The following NAA35 variants were observed in gnomAD, a reference collection of about 807,000 sequenced individuals.
The protein encoded by NAA35 is MAK10 homolog, amino-acid N-acetyltransferase subunit.
In NAA35, 18 loss-of-function variants were observed where a neutral mutation model predicts 101.7. The observed-to-expected ratio is 0.18, with a 90% CI of 0.12 to 0.26. NAA35 has a LOEUF of 0.26. Among genes scored for constraint, NAA35 ranks in the 10% least tolerant of loss-of-function variants. The pLI is 1.00. For missense variants in NAA35, 601 were observed against 886.8 expected (o/e 0.68, Z 4.09); for synonymous variants, 267 against 273.1 (o/e 0.98, Z 0.22).
chr9:85,967,808 A>G (rs969210440), intron 6 of NAA35, among the ~76,000 whole-genome samples: 4 of 152,054 alleles, frequency 2.6e-5, no homozygotes, highest in Non-Finnish European at 5.9e-5. Flanking sequence ...TCAAAAAAAA[A>G]AAAGATTTAT....
chr9:86,018,273 A>G lies in NAA35; in HGVS notation c.1792A>G (p.Met598Val). The G allele has an allele frequency of 6.2e-7, 1 of 1,613,194 alleles. No homozygotes were observed. The highest frequency in any genetic ancestry group is 1.1e-5 in the South Asian group (1 of 90,972). The stretch of plus-strand genomic sequence containing the variant: ...CATTTAGACCATGGTAGCATTTGAC[A>G]TGGACGGCAAAGTACGTAAACCGAA... ...GMFKTMVAFDMDGKVRKPKFE... is the reference protein window; with the variant it reads ...GMFKTMVAFDVDGKVRKPKFE... Residue 598 changes from methionine to valine, a missense_variant, in exon 20 of 23, where the codon ATG becomes GTG. By Grantham distance (21) the Met-to-Val change is conservative. Around this residue, in one of 8 missense-constraint regions of NAA35, gnomAD observed 90 missense variants for 108.7 expected, o/e 0.83. Transcript: ENST00000361671.
rs11141163 is a variant in NAA35, at chr9:85,965,311, A to G, written c.516+3131A>G. Among the ~76,000 whole-genome samples the G allele has an allele frequency of 0.021, 3,183 of 152,280 alleles. 347 individuals carry two copies. The East Asian group carries it at 0.35, about 17-fold the overall frequency. ...CCATCAGTAGGAGACTAATTAAAAG[A>G]TGTTACATTCATACAATCAAGTGCT... is the stretch of plus-strand genomic sequence containing the variant. On this transcript the variant is annotated intron_variant, in intron 6 of 22. Transcript: ENST00000361671.
chr9:85,970,733 G>A (rs1740250467), intron 6 of NAA35, among the ~76,000 whole-genome samples: 1 of 151,100 alleles, frequency 6.6e-6, no homozygotes, highest in Non-Finnish European at 1.5e-5. Flanking sequence ...CCAAGTGTCA[G>A]ATATGAATGT....
At position 85,985,631 on chromosome 9, in the gene NAA35, C is replaced by T. The variant is rs1442704418; in HGVS notation, c.877+7250C>T. Among the ~76,000 whole-genome samples, 3 of 152,060 alleles carry T rather than the reference C, an allele frequency of 2.0e-5. No individual in the cohort carries two copies. The South Asian group carries it at 6.2e-4, about 31-fold the overall frequency. On this transcript the variant is annotated intron_variant, in intron 11 of 22. Transcript: ENST00000361671. ...GTGATTGCTAATGGGTATAGAGTTTCTTCGTGGGTGATGAAAATGTTCTAA... is the reference window on the plus strand; with the variant it reads ...GTGATTGCTAATGGGTATAGAGTTTTTTCGTGGGTGATGAAAATGTTCTAA...
intron 5 of NAA35, among the ~76,000 whole-genome samples, chr9:85,960,084 T>C (rs1829447018): frequency 6.6e-6 from 1 of 152,242 alleles, no homozygotes; most frequent in Admixed American, 6.5e-5. Flanking sequence ...TATTTTCTTT[T>C]CAATGAAGAT....
In NAA35 at chr9:85,942,097, C is replaced by T. The variant is rs116205340; in HGVS notation, c.-5-58C>T. ...ATGCTGAAACAAACACCCATTTCTG[C>T]AAATACTCTTGCCCTGAAAGCTACA... On this transcript the variant is annotated intron_variant, in intron 1 of 22. Transcript: ENST00000361671. 9.0e-4 allele frequency: 1,416 copies of T among 1,576,272 alleles called. 9 individuals carry two copies. The African/African-American group carries it at 0.017, about 19-fold the overall frequency.
In NAA35 at chr9:86,016,529, A is replaced by T. The variant is rs767806330; in HGVS notation, c.1569-10A>T. The stretch of plus-strand genomic sequence containing the variant: ...CATCTACCATTAACTAACATTTTGT[A>T]TCCTTTAAGGTATCTCTCTGAATTC... On this transcript the variant is annotated splice_polypyrimidine_tract_variant and intron_variant, in intron 17 of 22. Coordinates refer to ENST00000361671, the MANE Select transcript of NAA35 (RefSeq NM_024635.4). The T allele has an allele frequency of 1.9e-6, 3 of 1,608,192 alleles. No individual in the cohort carries two copies. In the South Asian group the frequency reaches 3.4e-5, roughly 18 times the overall value.
rs189350147 is a variant in NAA35 at position 86,005,438 on chromosome 9, A to G, written c.1116+1794A>G. ...CTCCAAGAATGGGAAGAAGGCAAAG[A>G]TGCCCACTTCGCTCTTACTGAACAT... On this transcript the variant is annotated intron_variant, in intron 13 of 22. Transcript: ENST00000361671. 4.3e-3 allele frequency among the ~76,000 whole-genome samples: 650 copies of G among 152,366 alleles called. 2 individuals are homozygous for G. The highest frequency in any genetic ancestry group is 6.2e-3 in the Non-Finnish European group (420 of 68,028).
At chr9:86,020,636 G>A (rs909570538) in intron 21 of NAA35, among the ~76,000 whole-genome samples, 6 of 152,056 alleles carry the variant, frequency 3.9e-5, no homozygotes, top group South Asian at 2.1e-4. Flanking sequence ...TTGAACCCAC[G>A]AGTTCAAGAC....
chr9:85,959,949 T>C (rs1829440416), intron 5 of NAA35, 82 bp downstream of exon 5: 2 of 979,056 alleles, frequency 2.0e-6, no homozygotes, highest in South Asian at 3.1e-5. Context: ...TATACACTAA[T>C]GTTGAGTATG....
chr9:86,001,305 A>G (rs1831408168), intron 12 of NAA35, among the ~76,000 whole-genome samples: 2 of 152,122 alleles, frequency 1.3e-5, no homozygotes, highest in South Asian at 2.1e-4. Flanking sequence ...ATGTCCAATT[A>G]TGTGGTCGAT....
chr9:85,950,327 C>A (rs941527546), intron 2 of NAA35, among the ~76,000 whole-genome samples: 2 of 152,170 alleles, frequency 1.3e-5, no homozygotes, highest in African/African-American at 4.8e-5. Context: ...CTCACTGTAA[C>A]CTCCGTCTCC....
In NAA35 at chr9:86,018,311, T is replaced by C. The variant is rs1199308672; in HGVS notation, c.1830T>C (p.Asp610=). The change falls in exon 20 of 23, where the codon GAT becomes GAC. Residue 610 remains aspartate, a synonymous_variant. Transcript: ENST00000361671. The part of the protein sequence containing the change: ...GKVRKPKFEL[D]SEQVRYEHRF... ...TACGTAAACCGAAGTTTGAGCTTGA[T>C]AGTGAACAAGTTCGGTATGAACACA... is the stretch of plus-strand genomic sequence containing the variant. 6 of 1,613,944 alleles carry C rather than the reference T, an allele frequency of 3.7e-6. No individual in the cohort carries two copies. The highest frequency in any genetic ancestry group is 1.1e-5 in the South Asian group (1 of 91,092).
rs1264126173 is a variant in NAA35, at chr9:86,024,516, A to G, written c.*2556A>G. Among the ~76,000 whole-genome samples the G allele has an allele frequency of 6.6e-6, 1 of 152,200 alleles. No individual in the cohort carries two copies. The highest frequency in any genetic ancestry group is 2.4e-5 in the African/African-American group (1 of 41,444). ...GAATGGTTGAAAAGGGAGGCAGGGA[A>G]GCCAGTCACGTGAGAGAAAATGTTG... On this transcript the variant is annotated 3_prime_UTR_variant, in exon 23 of 23. Transcript: ENST00000361671.
At chr9:85,997,346 A>AT (rs199613673) in intron 12 of NAA35, among the ~76,000 whole-genome samples, 2,464 of 143,394 alleles carry the variant, frequency 0.017, 45 homozygotes, top group South Asian at 0.059. Flanking sequence ...GACTTGGATA[A>AT]TTTTTTTTTT....
chr9:85,967,909 C>T (rs773620594), intron 6 of NAA35, among the ~76,000 whole-genome samples: 10 of 152,050 alleles, frequency 6.6e-5, no homozygotes, highest in Admixed American at 1.3e-4. Flanking sequence ...GATCTGGAGA[C>T]GTTTTCTGAT....
intron 6 of NAA35, among the ~76,000 whole-genome samples, chr9:85,965,377 C>T (rs531196063): frequency 6.6e-6 from 1 of 152,314 alleles, no homozygotes; most frequent in South Asian, 2.1e-4. Flanking sequence ...CTATTAATCC[C>T]AGCACTTTGG....
At position 85,966,920 on chromosome 9, in the gene NAA35, A is replaced by G. The variant is rs374621732; in HGVS notation, c.516+4740A>G. On this transcript the variant is annotated intron_variant, in intron 6 of 22. Coordinates refer to ENST00000361671, the MANE Select transcript of NAA35 (RefSeq NM_024635.4). The stretch of plus-strand genomic sequence containing the variant: ...TCAGGAGTTCGAGACCAGCCTGGCC[A>G]ACATGGCGAAACCCCGTCTCTACTG... 1.6e-3 allele frequency among the ~76,000 whole-genome samples: 246 copies of G among 152,344 alleles called. 1 individual carries two copies. Among genetic ancestry groups the G allele is most frequent in the African/African-American group, 3.8e-3 (156 of 41,574 alleles).
At chr9:85,966,523 A>G in intron 6 of NAA35, 1 of 746,372 alleles carries the variant, frequency 1.3e-6, no homozygotes, top group South Asian at 2.0e-5. Flanking sequence ...AATCCAGGAA[A>G]TACAAATGAA....
Sources: gnomAD v4.1 joint callset for allele counts (sites outside exome capture counted in the v4.1 genomes callset) on GRCh38, gnomAD v4.1.1 for gene constraint, gnomAD v4.1.1 regional missense constraint, MANE v1.5 for transcripts, NCBI Gene and HGNC (gene_info 2026-07-23, HGNC 2026-07-21) for gene names.